The following DSCAML1 variants were observed in gnomAD, a reference collection of about 807,000 sequenced individuals.
DSCAML1 encodes the protein DS cell adhesion molecule like 1, also known as cell adhesion molecule DSCAML1.
DSCAML1 carries 38 observed loss-of-function variants against 200.5 expected under a neutral mutation model. That is an observed-to-expected ratio of 0.19 (90% CI 0.15 to 0.25). The LOEUF (loss-of-function observed/expected upper bound fraction) is 0.25, where lower values mean the gene tolerates loss of function less well. Among genes scored for constraint, DSCAML1 ranks in the 10% least tolerant of loss-of-function variants. The probability of loss-of-function intolerance (pLI) is 1.00; values close to 1 mark genes in which losing one functional copy is unlikely to be tolerated. For synonymous variants in DSCAML1, 1,215 were observed against 1,165.0 expected (o/e 1.04, Z -0.87); for missense variants, 2,223 against 2,858.8 (o/e 0.78, Z 5.07).
At chr11:117,741,464 A>C (rs1308821083) in intron 3 of DSCAML1, among the ~76,000 whole-genome samples, 2 of 152,230 alleles carry the variant, frequency 1.3e-5, no homozygotes, top group Admixed American at 6.5e-5. Flanking sequence ...TGGATTCTAC[A>C]TGAGCAAGAA....
At chr11:117,777,448 A>T (rs1247397754) in intron 2 of DSCAML1, among the ~76,000 whole-genome samples, 1 of 152,210 alleles carries the variant, frequency 6.6e-6, no homozygotes, top group Non-Finnish European at 1.5e-5. Context: ...CCTGTGACAC[A>T]TGCTCTAACA....
chr11:117,649,041 A>ATATATGTGTG lies in DSCAML1; in HGVS notation c.512-116520_512-116519insCACACATATA, dbSNP rs768621807. Among the ~76,000 whole-genome samples the ATATATGTGTG allele has an allele frequency of 4.8e-3, 668 of 137,908 alleles. 14 individuals are homozygous for ATATATGTGTG. The highest frequency in any genetic ancestry group is 0.011 in the African/African-American group (398 of 34,968). 90.5% of individuals were successfully genotyped at this position (137,908 alleles called of 152,430 possible). A position where few individuals can be genotyped will look rare whatever the true frequency, so the allele number is the denominator to read the frequency against. ...TCTCGCTCTCTCTCTCTCCATATAT[A>ATATATGTGTG]TGTGTGTGTGTGTGTGTGTGTGTGT... On this transcript the variant is annotated intron_variant, in intron 3 of 32. Transcript: ENST00000651296.
At chr11:117,449,471 A>G (rs1007891537) in intron 20 of DSCAML1, among the ~76,000 whole-genome samples, 1 of 151,810 alleles carries the variant, frequency 6.6e-6, no homozygotes, top group African/African-American at 2.4e-5. Flanking sequence ...CAGAAAGACC[A>G]CAGGAAAGCA....
chr11:117,801,072 CCTT>C (rs569886777), upstream of DSCAML1: 13 of 152,242 alleles, frequency 8.5e-5, no homozygotes, highest in East Asian at 1.5e-3. Context: ...TCAAGATTGA[CCTT>C]CTTAGTACTT....
At chr11:117,695,319 TTTTTTTTTTTTTTTTGCTAACC>T (rs2053571116) in intron 3 of DSCAML1, among the ~76,000 whole-genome samples, 2 of 147,244 alleles carry the variant, frequency 1.4e-5, no homozygotes, top group African/African-American at 5.0e-5. Flanking sequence ...CTTTTTCTTT[TTTTTTTTTTTTTTTTGCTAACC>T]AACCTGCAGA....
At chr11:117,640,323 G>C (rs867073821) in intron 3 of DSCAML1, among the ~76,000 whole-genome samples, 7 of 152,180 alleles carry the variant, frequency 4.6e-5, no homozygotes, top group African/African-American at 1.4e-4. Context: ...ATGACGTGCT[G>C]GGAGAACCCT....
At chr11:117,670,460 G>A (rs2053081371) in intron 3 of DSCAML1, among the ~76,000 whole-genome samples, 1 of 152,142 alleles carries the variant, frequency 6.6e-6, no homozygotes, top group Non-Finnish European at 1.5e-5. Context: ...CTGGACCAGG[G>A]TGGGCCAGGT....
chr11:117,774,947 T>C (rs955712652), intron 3 of DSCAML1, among the ~76,000 whole-genome samples: 1 of 152,188 alleles, frequency 6.6e-6, no homozygotes, highest in Non-Finnish European at 1.5e-5. Context: ...GCCCTGTACC[T>C]GGGATATAGT....
intron 3 of DSCAML1, among the ~76,000 whole-genome samples, chr11:117,682,672 G>A (rs2053331723): frequency 6.7e-6 from 1 of 149,328 alleles, no homozygotes; most frequent in South Asian, 2.1e-4. Flanking sequence ...ATTCTTCCAA[G>A]GGAGGGACAG....
intron 3 of DSCAML1, among the ~76,000 whole-genome samples, chr11:117,733,143 C>A (rs1057204807): frequency 2.0e-5 from 3 of 151,938 alleles, no homozygotes; most frequent in Non-Finnish European, 2.9e-5. Context: ...GGAGGACATG[C>A]GGGGGAAGGG....
chr11:117,563,328 G>C (rs539093965), intron 3 of DSCAML1, among the ~76,000 whole-genome samples: 1 of 152,174 alleles, frequency 6.6e-6, no homozygotes, highest in Non-Finnish European at 1.5e-5. Flanking sequence ...ACGGCAGCAC[G>C]CATGGTGCTG....
chr11:117,700,234 T>C (rs567842218), intron 3 of DSCAML1, among the ~76,000 whole-genome samples: 1 of 152,308 alleles, frequency 6.6e-6, no homozygotes, highest in East Asian at 1.9e-4. Context: ...CTAAATCTTT[T>C]CAAGTCTATC....
intron 2 of DSCAML1, among the ~76,000 whole-genome samples, chr11:117,777,939 C>T (rs2055161176): frequency 6.6e-6 from 1 of 152,188 alleles, no homozygotes; most frequent in Non-Finnish European, 1.5e-5. Flanking sequence ...CAGAGCCCTG[C>T]TGCCTCCCGA....
intron 3 of DSCAML1, among the ~76,000 whole-genome samples, chr11:117,761,738 G>A (rs1285595084): frequency 6.6e-6 from 1 of 152,162 alleles, no homozygotes; most frequent in East Asian, 1.9e-4. Flanking sequence ...GAGTGTGGTG[G>A]CGTGTGCCTG....
At chr11:117,784,751 A>T (rs2055320887) in intron 1 of DSCAML1, among the ~76,000 whole-genome samples, 1 of 152,166 alleles carries the variant, frequency 6.6e-6, no homozygotes, top group South Asian at 2.1e-4. Flanking sequence ...GACCTCAGGC[A>T]AGCCGCTTAG....
At chr11:117,487,160 G>A (rs2049089664) in intron 11 of DSCAML1, among the ~76,000 whole-genome samples, 1 of 151,846 alleles carries the variant, frequency 6.6e-6, no homozygotes, top group African/African-American at 2.4e-5. Flanking sequence ...CCTGATCTCA[G>A]GTGATCCACC....
At chr11:117,695,880 G>A (rs977391460) in intron 3 of DSCAML1, among the ~76,000 whole-genome samples, 1 of 152,202 alleles carries the variant, frequency 6.6e-6, no homozygotes, top group African/African-American at 2.4e-5. Flanking sequence ...TAATAGCAAG[G>A]CCTACCTTGT....
At position 117,505,152 on chromosome 11, in the gene DSCAML1, G is replaced by T; in HGVS notation, c.2063-109C>A. On this transcript the variant is annotated intron_variant, in intron 9 of 32. Transcript: ENST00000651296. The surrounding 1 kb of genome is among the most constrained non-coding windows in gnomAD (Gnocchi z 6.7). ...TCAGCCCTGCCCGGGCCATTATAAA[G>T]TTGGAAGCGGGCAGTTTCTGAAACC... 2 of 1,477,938 alleles carry T rather than the reference G, an allele frequency of 1.4e-6. No homozygotes were observed. Among genetic ancestry groups the T allele is most frequent in the Non-Finnish European group, 1.8e-6 (2 of 1,099,854 alleles). 91.6% of individuals were successfully genotyped at this position (1,477,938 alleles called of 1,614,324 possible).
intron 3 of DSCAML1, among the ~76,000 whole-genome samples, chr11:117,567,427 T>G (rs1202867483): frequency 6.6e-6 from 1 of 152,084 alleles, no homozygotes; most frequent in Non-Finnish European, 1.5e-5. Context: ...GATGGGGTGG[T>G]TTGTTTTTTT....
Sources: allele counts gnomAD v4.1 joint callset (sites outside exome capture counted in the v4.1 genomes callset), GRCh38; gene constraint gnomAD v4.1.1; non-coding constraint Gnocchi (gnomAD v3.1); transcripts MANE v1.5; gene names NCBI Gene and HGNC (gene_info 2026-07-23, HGNC 2026-07-21).